Variants in ZNF124 observed in about 807,000 individuals in gnomAD.
ZNF124 encodes the protein zinc finger protein HZF-16.
A neutral mutation model predicts 26.6 loss-of-function variants in ZNF124; 25 were observed. That is an observed-to-expected ratio of 0.94 (90% confidence interval 0.68 to 1.31). The LOEUF is 1.31. ZNF124 is among the 40% of genes most tolerant of loss of function. The pLI, the probability that ZNF124 is intolerant of heterozygous loss-of-function variation, is 0.00. For missense variants in ZNF124, 444 were observed against 422.2 expected, an observed-to-expected ratio of 1.05 and a Z score of -0.45; for synonymous variants, 129 against 133.3, an observed-to-expected ratio of 0.97 and a Z score of 0.22.
intron 3 of ZNF124, among the ~76,000 whole-genome samples, chr1:247,125,674 CGCCGGCGCCGATTA>C (rs1558368679): frequency 6.6e-6 from 1 of 151,046 alleles, no homozygotes; most frequent in African/African-American, 2.4e-5. Flanking sequence ...TCGTGATCGG[CGCCGGCGCCGATTA>C]AAGGCGCCAC....
chr1:247,165,936 A>G (rs114705235), intron 1 of ZNF124, among the ~76,000 whole-genome samples: 1 of 152,168 alleles, frequency 6.6e-6, no homozygotes, highest in Non-Finnish European at 1.5e-5. Context: ...CCAGCAGTTC[A>G]GGAGGTTGAG....
chr1:247,152,106 T>G (rs542432118), downstream of ZNF124, among the ~76,000 whole-genome samples: 3 of 149,418 alleles, frequency 2.0e-5, no homozygotes, highest in Non-Finnish European at 4.4e-5. Flanking sequence ...TCCCCAATAT[T>G]TAAAACTATA....
At chr1:247,165,246 G>A (rs528199344) in intron 1 of ZNF124, among the ~76,000 whole-genome samples, 5 of 152,172 alleles carry the variant, frequency 3.3e-5, no homozygotes, top group South Asian at 4.1e-4. Context: ...GATTACAGGC[G>A]TGAGCCACTG....
At chr1:247,123,837 A>G in exon 4 of ZNF124, 2 of 702,164 alleles carry the variant, frequency 2.8e-6, no homozygotes, top group African/African-American at 1.7e-5. Context: ...GGCTTTGCAC[A>G]ACTTCCTTGT....
rs774524900 is a variant in ZNF124, at chr1:247,157,232, A to G, written c.390T>C (p.Val130=). ...TCTGAAATGAACTGGGAATATTAAA[A>G]ACTTTCTCACATATTGTACAACCAT... ...GHYGCTICEK[V]FNIPSSFQIH... is the part of the protein sequence containing the mutation. The change falls in exon 4 of 4, where the codon GTT becomes GTC. Residue 130 remains valine (V), a synonymous_variant. Coordinates refer to ENST00000543802, the MANE Select transcript of ZNF124 (RefSeq NM_001297568.2). 7 of 1,614,104 alleles carry G rather than the reference A, an allele frequency of 4.3e-6. No individual in the cohort carries two copies. In the South Asian group the frequency reaches 7.7e-5, roughly 18 times the overall value.
Position 247,156,693 on chromosome 1 carries a change from C to T in ZNF124, c.929G>A (p.Arg310Lys). 1 of 1,613,840 alleles carries T rather than the reference C, an allele frequency of 6.2e-7. No homozygotes were observed. The highest frequency in any genetic ancestry group is 8.5e-7 in the Non-Finnish European group (1 of 1,179,908). Reference protein sequence around the residue: ...RCSSSLRDHERTHTGEKPYEC... With the variant: ...RCSSSLRDHEKTHTGEKPYEC... ...ATAGGGTTTCTCTCCAGTATGAGTCCTTTCATGGTCACGAAGGGAACTGGA... is the reference window on the plus strand; with the variant it reads ...ATAGGGTTTCTCTCCAGTATGAGTCTTTTCATGGTCACGAAGGGAACTGGA... The change falls in exon 4 of 4, where the codon AGG (arginine) becomes AAG (lysine). Residue 310 changes from arginine to lysine, a missense_variant. By Grantham distance (26) the Arg-to-Lys change is conservative (BLOSUM62 2). Coordinates refer to ENST00000543802, the MANE Select transcript of ZNF124 (RefSeq NM_001297568.2).
At chr1:247,147,868 T>G (rs1672827149) in intron 3 of ZNF124, among the ~76,000 whole-genome samples, 1 of 147,536 alleles carries the variant, frequency 6.8e-6, no homozygotes, top group African/African-American at 2.6e-5. Flanking sequence ...AGACATTGAG[T>G]TAGCCCCAAA....
intron 2 of ZNF124, 137 bp downstream of exon 2, chr1:247,159,550 G>A: frequency 1.2e-6 from 1 of 803,830 alleles, no homozygotes; most frequent in South Asian, 1.8e-5. Context: ...AGAAACAAGA[G>A]TCATTGCACA....
rs199538525 is a variant in ZNF124 at position 247,127,972 on chromosome 1, T to C, written c.219-4101A>G. Reference sequence around the variant, plus strand: ...AAGGGTACTGGTTTCCCCTGCATTTTCCAAATGTAAGGCAAGCAGGGTCTC... The same window carrying C: ...AAGGGTACTGGTTTCCCCTGCATTTCCCAAATGTAAGGCAAGCAGGGTCTC... On this transcript the variant is annotated intron_variant, in intron 3 of 3. Transcript: ENST00000472531. Among the ~76,000 whole-genome samples the C allele has an allele frequency of 1.9e-3, 283 of 152,174 alleles. 1 individual carries two copies. In the East Asian group the frequency reaches 0.032, roughly 17 times the overall value.
chr1:247,158,181 C>T (rs769582642), intron 3 of ZNF124, among the ~76,000 whole-genome samples: 5 of 152,066 alleles, frequency 3.3e-5, no homozygotes, highest in Admixed American at 6.6e-5. Context: ...ACCCGGGAGG[C>T]GGAGGTTGCA....
At chr1:247,144,470 T>C (rs772074672) in intron 3 of ZNF124, among the ~76,000 whole-genome samples, 1 of 152,248 alleles carries the variant, frequency 6.6e-6, no homozygotes, top group South Asian at 2.1e-4. Flanking sequence ...AGAGCTGATG[T>C]GAAAGTCAGC....
chr1:247,144,260 A>C (rs1310130005), intron 3 of ZNF124, among the ~76,000 whole-genome samples: 1 of 152,210 alleles, frequency 6.6e-6, no homozygotes, highest in Non-Finnish European at 1.5e-5. Flanking sequence ...ATTCAGCACC[A>C]AGAATTTCAC....
intron 3 of ZNF124, among the ~76,000 whole-genome samples, chr1:247,146,200 G>A (rs957699950): frequency 2.6e-5 from 4 of 152,154 alleles, no homozygotes; most frequent in Admixed American, 6.5e-5. Flanking sequence ...GAAATTTAGG[G>A]AATACTTAGT....
intron 3 of ZNF124, among the ~76,000 whole-genome samples, chr1:247,127,470 A>G: frequency 1.1e-5 from 1 of 91,468 alleles, no homozygotes; most frequent in South Asian, 3.7e-4. Flanking sequence ...ACCACCCCTC[A>G]TATTGTCTTA....
chr1:247,141,812 C>T (rs372713832), intron 3 of ZNF124, among the ~76,000 whole-genome samples: 59 of 152,324 alleles, frequency 3.9e-4, no homozygotes, highest in African/African-American at 1.4e-3. Flanking sequence ...CCCAGGAGAC[C>T]ACCTGCTGCC....
intron 1 of ZNF124, among the ~76,000 whole-genome samples, chr1:247,169,186 G>A (rs1039700815): frequency 6.6e-6 from 1 of 152,064 alleles, no homozygotes; most frequent in Non-Finnish European, 1.5e-5. Context: ...CAAGAGGACA[G>A]CCCAGGGAGG....
chr1:247,128,903 GGAGAT>G (rs1672282632), intron 3 of ZNF124, among the ~76,000 whole-genome samples: 1 of 142,462 alleles, frequency 7.0e-6, no homozygotes, highest in Non-Finnish European at 1.5e-5. Flanking sequence ...GGAGGATTCA[GGAGAT>G]GAGAGGGAGG....
At chr1:247,148,484 A>C (rs1410313469) in intron 3 of ZNF124, among the ~76,000 whole-genome samples, 1 of 152,242 alleles carries the variant, frequency 6.6e-6, no homozygotes, top group Non-Finnish European at 1.5e-5. Context: ...AGAAGAAGGC[A>C]TGAGATTCCT....
downstream of ZNF124, among the ~76,000 whole-genome samples, chr1:247,154,267 G>C (rs1382167198): frequency 1.3e-5 from 2 of 152,170 alleles, no homozygotes; most frequent in African/African-American, 4.8e-5. Flanking sequence ...TCATGATAAT[G>C]AGTGAGTCTC....
Sources: allele counts gnomAD v4.1 joint callset (sites outside exome capture counted in the v4.1 genomes callset), GRCh38; gene constraint gnomAD v4.1.1; transcripts MANE v1.5; gene names NCBI Gene and HGNC (gene_info 2026-07-23, HGNC 2026-07-21).